KAZN: variants seen among roughly 807,000 people sequenced by gnomAD.
The protein encoded by KAZN is kazrin.
A neutral mutation model predicts 87.4 loss-of-function variants in KAZN; 40 were observed. The ratio of observed to expected loss-of-function variants is 0.46; its 90% CI spans 0.36 to 0.60. The LOEUF (loss-of-function observed/expected upper bound fraction) is 0.60, where lower values mean the gene tolerates loss of function less well. KAZN is among the 20% of genes least tolerant of loss of function. The probability of loss-of-function intolerance (pLI) is 0.00; values close to 1 mark genes in which losing one functional copy is unlikely to be tolerated. For missense variants in KAZN, 898 were observed against 1,073.9 expected (o/e 0.84, Z 2.29); for synonymous variants, 466 against 458.3 (o/e 1.02, Z -0.22).
chr1:14,556,612 A>C (rs1238671740), intron 2 of KAZN, among the ~76,000 whole-genome samples: 1 of 151,854 alleles, frequency 6.6e-6, no homozygotes, highest in South Asian at 2.1e-4. Flanking sequence ...GTTTTTTTTC[A>C]GTTTGTATTC....
At chr1:14,413,446 C>T (rs915713699) in intron 2 of KAZN, among the ~76,000 whole-genome samples, 6 of 151,674 alleles carry the variant, frequency 4.0e-5, no homozygotes, top group South Asian at 2.1e-4. Context: ...AAAAATTAGC[C>T]GGGCGTGGTG....
intron 1 of KAZN, among the ~76,000 whole-genome samples, chr1:14,021,899 G>T (rs907530159): frequency 6.8e-6 from 1 of 146,996 alleles, no homozygotes; most frequent in Non-Finnish European, 1.5e-5. Flanking sequence ...AACAGGAAAT[G>T]ATTTTCTCTG....
chr1:14,499,342 T>G (rs1178494900), intron 2 of KAZN, among the ~76,000 whole-genome samples: 3 of 152,088 alleles, frequency 2.0e-5, no homozygotes, highest in African/African-American at 7.2e-5. Flanking sequence ...CTTTTTGGGG[T>G]GGATGCTCAC....
intron 1 of KAZN, among the ~76,000 whole-genome samples, chr1:14,755,823 C>T (rs58313877): frequency 0.067 from 10,128 of 152,164 alleles, 385 homozygotes; most frequent in East Asian, 0.15. Context: ...GTGAACATTC[C>T]GGGGAATTCA....
intron 1 of KAZN, chr1:14,180,334 C>G: frequency 9.8e-7 from 1 of 1,022,306 alleles, no homozygotes; most frequent in Non-Finnish European, 1.4e-6. Flanking sequence ...TGGCTTAGAC[C>G]TTGTATGTAC....
At chr1:14,913,234 C>T (rs1255350141) in intron 1 of KAZN, among the ~76,000 whole-genome samples, 2 of 152,142 alleles carry the variant, frequency 1.3e-5, no homozygotes, top group African/African-American at 2.4e-5. Flanking sequence ...TTGTACTTTA[C>T]CCCAGGACTC....
chr1:14,089,277 C>T (rs1372447301), intron 1 of KAZN, among the ~76,000 whole-genome samples: 1 of 151,870 alleles, frequency 6.6e-6, no homozygotes, highest in Admixed American at 6.6e-5. Flanking sequence ...GTGTTTAGAC[C>T]ACTTCCATTT....
intron 1 of KAZN, among the ~76,000 whole-genome samples, chr1:14,895,219 C>T (rs1655129108): frequency 6.6e-6 from 1 of 152,248 alleles, no homozygotes; most frequent in South Asian, 2.1e-4. Flanking sequence ...CAGCTGCAGC[C>T]ATGGGGGCTG....
rs1656690734 is a variant in KAZN at position 14,329,488 on chromosome 1, T to C, written c.249+148896T>C. ...TTCATAGGAAGAAACATTGAATACA[T>C]TGGAGAAGACTTGGCAGGGACATGA... is the stretch of plus-strand genomic sequence containing the variant. On this transcript the variant is annotated intron_variant, in intron 2 of 16. Transcript: ENST00000636203. 1.3e-5 allele frequency among the ~76,000 whole-genome samples: 2 copies of C among 152,192 alleles called. 1 individual carries two copies. Among genetic ancestry groups the C allele is most frequent in the African/African-American group, 4.8e-5 (2 of 41,456 alleles).
chr1:15,003,930 G>A (rs1489122290), intron 2 of KAZN, among the ~76,000 whole-genome samples: 1 of 152,164 alleles, frequency 6.6e-6, no homozygotes, highest in Non-Finnish European at 1.5e-5. Context: ...AGGGGCTGCA[G>A]GCTGCATAGG....
intron 2 of KAZN, among the ~76,000 whole-genome samples, chr1:14,346,872 C>G (rs1658144012): frequency 6.6e-6 from 1 of 152,076 alleles, no homozygotes; most frequent in African/African-American, 2.4e-5. Flanking sequence ...AGGGACCATC[C>G]TACGTGCTTA....
At chr1:13,990,579 GTC>G (rs1050021762) in intron 1 of KAZN, among the ~76,000 whole-genome samples, 1 of 152,140 alleles carries the variant, frequency 6.6e-6, no homozygotes, top group African/African-American at 2.4e-5. Context: ...ATTGACAGTA[GTC>G]TCTATATTTT....
At chr1:14,711,201 A>C (rs12035907) in intron 1 of KAZN, among the ~76,000 whole-genome samples, 2 of 152,094 alleles carry the variant, frequency 1.3e-5, no homozygotes, top group East Asian at 3.9e-4. Flanking sequence ...TCTATTTTCG[A>C]AAAGAAGTAT....
intron 2 of KAZN, among the ~76,000 whole-genome samples, chr1:14,237,252 G>A (rs1169933253): frequency 6.6e-6 from 1 of 152,130 alleles, no homozygotes; most frequent in Non-Finnish European, 1.5e-5. Flanking sequence ...AACAGACAAG[G>A]AGAATATTCC....
At chr1:15,075,780 G>A (rs1357960382) in intron 8 of KAZN, among the ~76,000 whole-genome samples, 1 of 152,196 alleles carries the variant, frequency 6.6e-6, no homozygotes, top group Non-Finnish European at 1.5e-5. Flanking sequence ...GCTTGGAAAT[G>A]CCGGTCCCAG....
chr1:14,020,836 A>AG (rs1282427739), intron 1 of KAZN, among the ~76,000 whole-genome samples: 4 of 152,228 alleles, frequency 2.6e-5, no homozygotes, highest in Non-Finnish European at 5.9e-5. Context: ...TTCTCAAAAC[A>AG]GTAGGATATT....
chr1:14,965,016 A>C (rs1005902647), intron 2 of KAZN, among the ~76,000 whole-genome samples: 3 of 151,766 alleles, frequency 2.0e-5, no homozygotes, highest in East Asian at 3.9e-4. Flanking sequence ...ATTGTTTAAG[A>C]CATATATATA....
At chr1:14,117,749 G>A (rs1644659641) in intron 1 of KAZN, among the ~76,000 whole-genome samples, 1 of 152,150 alleles carries the variant, frequency 6.6e-6, no homozygotes, top group South Asian at 2.1e-4. Context: ...TCCTCCCCTA[G>A]TAAGTAAGAC....
In KAZN at chr1:14,996,049, C is replaced by T. The variant is rs905070333; in HGVS notation, c.418+35174C>T. 6.6e-6 allele frequency among the ~76,000 whole-genome samples: 1 copy of T among 152,132 alleles called. No individual in the cohort carries two copies. Among genetic ancestry groups the T allele is most frequent in the Non-Finnish European group, 1.5e-5 (1 of 68,024 alleles). On this transcript the variant is annotated intron_variant, in intron 2 of 14. Coordinates refer to ENST00000376030, the MANE Select transcript of KAZN (RefSeq NM_201628.3). The surrounding 1 kb of genome is among the most constrained non-coding windows in gnomAD (Gnocchi z 5.9). ...CCTAATGCCATCCTCAGCCCGCGGC[C>T]CTCTGTAGCCCCCAGCCCCTTCTGC...
Sources: allele counts gnomAD v4.1 joint callset (sites outside exome capture counted in the v4.1 genomes callset), GRCh38; gene constraint gnomAD v4.1.1; non-coding constraint Gnocchi (gnomAD v3.1); transcripts MANE v1.5; gene names NCBI Gene and HGNC (gene_info 2026-07-23, HGNC 2026-07-21).